Variants in C8orf34 observed in about 807,000 individuals in gnomAD.
The protein encoded by C8orf34 is chromosome 8 open reading frame 34.
Under a neutral mutation model 68.3 loss-of-function variants are expected in C8orf34, and 65 were observed. That is an observed-to-expected ratio of 0.95 (90% confidence interval 0.78 to 1.17). C8orf34 has a LOEUF of 1.17. Ranked by LOEUF, C8orf34 falls within the 50% of genes most tolerant of loss-of-function variation. The probability of loss-of-function intolerance (pLI) is 0.00; values close to 1 mark genes in which losing one functional copy is unlikely to be tolerated. For synonymous variants in C8orf34, 244 were observed against 241.2 expected (o/e 1.01, Z -0.11); for missense variants, 664 against 655.4 (o/e 1.01, Z -0.14).
chr8:68,406,921 G>A (rs2129621728), intron 1 of C8orf34, among the ~76,000 whole-genome samples: 1 of 152,282 alleles, frequency 6.6e-6, no homozygotes, highest in Non-Finnish European at 1.5e-5. Flanking sequence ...TGGTGGGGTT[G>A]TGCTCTGCAT....
At chr8:68,715,515 T>G (rs1311684470) in intron 9 of C8orf34, among the ~76,000 whole-genome samples, 1 of 152,002 alleles carries the variant, frequency 6.6e-6, no homozygotes, top group Non-Finnish European at 1.5e-5. Context: ...AAAAAGCATA[T>G]GGAAAAATGC....
intron 7 of C8orf34, among the ~76,000 whole-genome samples, chr8:68,583,408 A>G (rs1468885215): frequency 2.0e-5 from 3 of 152,174 alleles, no homozygotes; most frequent in Non-Finnish European, 4.4e-5. Context: ...AACTTGTTCA[A>G]CTTCACATAA....
At chr8:68,429,985 G>A (rs1810386432) in intron 1 of C8orf34, among the ~76,000 whole-genome samples, 1 of 152,022 alleles carries the variant, frequency 6.6e-6, no homozygotes, top group African/African-American at 2.4e-5. Flanking sequence ...CGAATGAGGT[G>A]ACTTGTCAGG....
chr8:68,602,684 A>T (rs562827551), intron 7 of C8orf34, among the ~76,000 whole-genome samples: 14 of 152,142 alleles, frequency 9.2e-5, no homozygotes, highest in Admixed American at 3.9e-4. Flanking sequence ...GCCTTGTCTC[A>T]CACCACCTTA....
chr8:68,423,687 G>A lies in C8orf34; in HGVS notation c.328-15812G>A, dbSNP rs769748699. Among the ~76,000 whole-genome samples the A allele has an allele frequency of 1.3e-4, 20 of 151,972 alleles. 1 individual carries two copies. The highest frequency in any genetic ancestry group is 4.2e-4 in the South Asian group (2 of 4,806). On this transcript the variant is annotated intron_variant, in intron 1 of 13. Transcript: ENST00000518698. The stretch of plus-strand genomic sequence containing the variant: ...CTTTACAGCAGCACCCCACTATCTC[G>A]GTATGAATTTACTGTATTAGGCTGC...
intron 1 of C8orf34, among the ~76,000 whole-genome samples, chr8:68,383,737 C>A (rs1210488784): frequency 6.6e-6 from 1 of 152,184 alleles, no homozygotes; most frequent in Non-Finnish European, 1.5e-5. Context: ...TTTATTTTGA[C>A]TTGTGCTGAG....
At chr8:68,432,918 A>AT (rs1389369308) in intron 1 of C8orf34, among the ~76,000 whole-genome samples, 2 of 152,202 alleles carry the variant, frequency 1.3e-5, no homozygotes, top group Non-Finnish European at 2.9e-5. Context: ...TTCAAAAAAA[A>AT]TAGAATGAGA....
intron 10 of C8orf34, among the ~76,000 whole-genome samples, chr8:68,730,810 A>G (rs1821958317): frequency 6.6e-6 from 1 of 152,098 alleles, no homozygotes; most frequent in Admixed American, 6.6e-5. Context: ...AGCAAGTATA[A>G]TTAATTTCTA....
At chr8:68,563,938 A>C (rs942461636) in intron 7 of C8orf34, among the ~76,000 whole-genome samples, 2 of 152,366 alleles carry the variant, frequency 1.3e-5, no homozygotes, top group South Asian at 4.1e-4. Flanking sequence ...TCAGAAAATC[A>C]CTAGGAGCTT....
At chr8:68,423,229 G>GCTTTTTAT (rs1474631355) in intron 1 of C8orf34, among the ~76,000 whole-genome samples, 1 of 152,036 alleles carries the variant, frequency 6.6e-6, no homozygotes, top group Non-Finnish European at 1.5e-5. Context: ...AATTTTCTAA[G>GCTTTTTAT]CTTTTTATGT....
chr8:68,815,635 C>T (rs1340590143), intron 12 of C8orf34, among the ~76,000 whole-genome samples: 1 of 152,032 alleles, frequency 6.6e-6, no homozygotes, highest in Non-Finnish European at 1.5e-5. Context: ...TCTGGAGGGG[C>T]ATTTTGCCTT....
intron 7 of C8orf34, among the ~76,000 whole-genome samples, chr8:68,541,310 A>T (rs1381017129): frequency 6.6e-6 from 1 of 151,966 alleles, no homozygotes; most frequent in Admixed American, 6.6e-5. Flanking sequence ...TAAAAATTTA[A>T]AAAAAATTAC....
intron 7 of C8orf34, among the ~76,000 whole-genome samples, chr8:68,636,134 T>C (rs987125): frequency 1.3e-5 from 2 of 152,064 alleles, no homozygotes; most frequent in East Asian, 3.9e-4. Context: ...AACTATCTTA[T>C]GCAATTGGTT....
At chr8:68,657,698 C>T (rs1819549795) in intron 8 of C8orf34, among the ~76,000 whole-genome samples, 1 of 152,090 alleles carries the variant, frequency 6.6e-6, no homozygotes, top group Non-Finnish European at 1.5e-5. Flanking sequence ...TATTTACTTT[C>T]CTCTTCTAGA....
intron 8 of C8orf34, among the ~76,000 whole-genome samples, chr8:68,700,948 G>C (rs1259264135): frequency 6.6e-6 from 1 of 152,098 alleles, no homozygotes; most frequent in African/African-American, 2.4e-5. Context: ...TGAATTAAAA[G>C]CCGACTTTAG....
chr8:68,409,732 C>T (rs1474172180), intron 1 of C8orf34, among the ~76,000 whole-genome samples: 1 of 152,190 alleles, frequency 6.6e-6, no homozygotes, highest in Admixed American at 6.5e-5. Context: ...CCTAGGCCTT[C>T]ACATTCACTC....
intron 10 of C8orf34, among the ~76,000 whole-genome samples, chr8:68,769,107 G>C (rs954928486): frequency 6.6e-6 from 1 of 151,872 alleles, no homozygotes; most frequent in Admixed American, 6.6e-5. Context: ...CAGGCATGCA[G>C]TGCAATGTGT....
intron 6 of C8orf34, among the ~76,000 whole-genome samples, chr8:68,528,220 C>T (rs1346637489): frequency 1.3e-5 from 2 of 152,126 alleles, no homozygotes; most frequent in South Asian, 4.1e-4. Flanking sequence ...CGCCATGTAT[C>T]TTGAATTCCA....
At chr8:68,389,166 G>C (rs1028724114) in intron 1 of C8orf34, among the ~76,000 whole-genome samples, 1 of 152,090 alleles carries the variant, frequency 6.6e-6, no homozygotes, top group Admixed American at 6.6e-5. Flanking sequence ...ATAGAATAGT[G>C]AGCAAAATAT....
Sources: allele counts gnomAD v4.1 joint callset (sites outside exome capture counted in the v4.1 genomes callset), GRCh38; gene constraint gnomAD v4.1.1; transcripts MANE v1.5; gene names NCBI Gene and HGNC (gene_info 2026-07-23, HGNC 2026-07-21).